The following CNTNAP4 variants were observed in gnomAD, a reference collection of about 807,000 sequenced individuals.
The protein encoded by CNTNAP4 is contactin associated protein family member 4.
CNTNAP4 carries 98 observed loss-of-function variants against 148.4 expected under a neutral mutation model. The observed-to-expected ratio is 0.66, with a 90% CI of 0.56 to 0.78. The LOEUF (loss-of-function observed/expected upper bound fraction) is 0.78. CNTNAP4 is among the 30% of genes least tolerant of loss of function. The pLI, the probability that CNTNAP4 is intolerant of heterozygous loss-of-function variation, is 0.00. For synonymous variants in CNTNAP4, 730 were observed against 565.1 expected (o/e 1.29, Z -4.14); for missense variants, 1,935 against 1,565.6 (o/e 1.24, Z -3.98).
chr16:76,499,293 A>G (rs542779636), intron 15 of CNTNAP4, among the ~76,000 whole-genome samples: 1 of 151,910 alleles, frequency 6.6e-6, no homozygotes, highest in Non-Finnish European at 1.5e-5. Context: ...TCCTTCAACC[A>G]TTCTTCATGT....
intron 2 of CNTNAP4, among the ~76,000 whole-genome samples, chr16:76,349,015 C>T (rs954260167): frequency 6.6e-6 from 1 of 151,808 alleles, no homozygotes. Flanking sequence ...AAGCGGTGAC[C>T]GTGAGAAGGA....
chr16:76,428,598 A>G (rs2145056273), intron 4 of CNTNAP4, among the ~76,000 whole-genome samples: 2 of 152,256 alleles, frequency 1.3e-5, no homozygotes, highest in South Asian at 4.1e-4. Flanking sequence ...TATCCGACAG[A>G]GAGATCACAT....
chr16:76,454,276 A>G (rs781364383), intron 8 of CNTNAP4, among the ~76,000 whole-genome samples: 1 of 152,100 alleles, frequency 6.6e-6, no homozygotes, highest in Admixed American at 6.5e-5. Flanking sequence ...CACCACACCC[A>G]GCTAATTTGG....
At chr16:76,295,814 A>G (rs1271431394) in intron 1 of CNTNAP4, among the ~76,000 whole-genome samples, 2 of 152,114 alleles carry the variant, frequency 1.3e-5, no homozygotes, top group African/African-American at 4.8e-5. Context: ...CTTCTGAATA[A>G]GAATTTATTT....
intron 21 of CNTNAP4, among the ~76,000 whole-genome samples, 168 bp downstream of exon 21, chr16:76,540,958 G>GT (rs2084426959): frequency 6.6e-6 from 1 of 152,160 alleles, no homozygotes; most frequent in African/African-American, 2.4e-5. Context: ...GCAGGCATGA[G>GT]TAGGGGCGTC....
At chr16:76,469,199 G>C (rs1257093405) in intron 10 of CNTNAP4, among the ~76,000 whole-genome samples, 1 of 152,092 alleles carries the variant, frequency 6.6e-6, no homozygotes, top group Admixed American at 6.6e-5. Flanking sequence ...TCATTTATTT[G>C]TTTAAAACAA....
At chr16:76,341,478 A>T (rs187355307) in intron 2 of CNTNAP4, among the ~76,000 whole-genome samples, 3 of 152,232 alleles carry the variant, frequency 2.0e-5, no homozygotes, top group Non-Finnish European at 4.4e-5. Flanking sequence ...TAAACTGACC[A>T]GATTTGGCAA....
chr16:76,510,612 A>C (rs374788277), intron 15 of CNTNAP4, among the ~76,000 whole-genome samples: 2 of 152,142 alleles, frequency 1.3e-5, no homozygotes, highest in Non-Finnish European at 2.9e-5. Flanking sequence ...ATATGATCCC[A>C]TACTTGTCTG....
chr16:76,346,284 A>C (rs952259999), intron 2 of CNTNAP4, among the ~76,000 whole-genome samples: 1 of 152,128 alleles, frequency 6.6e-6, no homozygotes, highest in Non-Finnish European at 1.5e-5. Flanking sequence ...TTGATATACT[A>C]TGCCCTAGTA....
chr16:76,313,590 A>C (rs1961382337), intron 1 of CNTNAP4, among the ~76,000 whole-genome samples: 1 of 152,194 alleles, frequency 6.6e-6, no homozygotes, highest in Non-Finnish European at 1.5e-5. Context: ...TTTAGTACTT[A>C]AGCTAGTCAG....
chr16:76,519,541 G>C (rs551974746), intron 15 of CNTNAP4, among the ~76,000 whole-genome samples: 2 of 152,110 alleles, frequency 1.3e-5, no homozygotes, highest in Non-Finnish European at 2.9e-5. Flanking sequence ...TTATGTTAAT[G>C]TATAACATTT....
At position 76,482,009 on chromosome 16, in the gene CNTNAP4, AT is replaced by A. The variant is rs10568011; in HGVS notation, c.1882+2482del. Among the ~76,000 whole-genome samples, 341 of 150,110 alleles carry A rather than the reference AT, an allele frequency of 2.3e-3. 4 individuals carry two copies. Among genetic ancestry groups the A allele is most frequent in the African/African-American group, 7.4e-3 (301 of 40,940 alleles). The stretch of plus-strand genomic sequence containing the variant: ...AAGACACTGAGGAGTTTATTTTTTT[AT>A]TTTTTTTTTTAATTTTTATTATACT... On this transcript the variant is annotated intron_variant, in intron 12 of 23. Transcript: ENST00000611870.
chr16:76,485,636 G>GT (rs1200918382), intron 12 of CNTNAP4, among the ~76,000 whole-genome samples: 2 of 152,114 alleles, frequency 1.3e-5, no homozygotes, highest in Non-Finnish European at 2.9e-5. Context: ...GACTCAGTAA[G>GT]TTTAGAACAC....
chr16:76,279,619 C>G (rs966197377), intron 1 of CNTNAP4, among the ~76,000 whole-genome samples: 3 of 152,132 alleles, frequency 2.0e-5, no homozygotes, highest in Non-Finnish European at 4.4e-5. Flanking sequence ...ATCTGATGAA[C>G]TTGCAAAACC....
intron 2 of CNTNAP4, among the ~76,000 whole-genome samples, chr16:76,353,089 GA>G (rs1216500133): frequency 6.6e-6 from 1 of 152,122 alleles, no homozygotes; most frequent in Non-Finnish European, 1.5e-5. Flanking sequence ...AACAAATACA[GA>G]GAAAATTAAA....
intron 4 of CNTNAP4, among the ~76,000 whole-genome samples, chr16:76,435,467 C>T (rs1705510191): frequency 6.6e-6 from 1 of 152,086 alleles, no homozygotes; most frequent in Non-Finnish European, 1.5e-5. Context: ...CCTCAGGATC[C>T]AGTTATTCCC....
At chr16:76,526,406 A>G (rs2083733359) in intron 17 of CNTNAP4, among the ~76,000 whole-genome samples, 1 of 152,154 alleles carries the variant, frequency 6.6e-6, no homozygotes, top group Non-Finnish European at 1.5e-5. Context: ...CAGAGGAGTG[A>G]CATAATTTTC....
At chr16:76,534,995 A>G (rs2084154903) in intron 17 of CNTNAP4, among the ~76,000 whole-genome samples, 1 of 152,182 alleles carries the variant, frequency 6.6e-6, no homozygotes, top group South Asian at 2.1e-4. Flanking sequence ...CTTTAGAAAA[A>G]CAATCACTGG....
intron 21 of CNTNAP4, among the ~76,000 whole-genome samples, chr16:76,541,576 C>G (rs1345654314): frequency 6.6e-6 from 1 of 151,974 alleles, no homozygotes; most frequent in African/African-American, 2.4e-5. Flanking sequence ...AATATTTTGT[C>G]CAAGATAGTA....
Sources: gnomAD v4.1 joint callset for allele counts (sites outside exome capture counted in the v4.1 genomes callset) on GRCh38, gnomAD v4.1.1 for gene constraint, MANE v1.5 for transcripts, NCBI Gene and HGNC (gene_info 2026-07-23, HGNC 2026-07-21) for gene names.